The following C1QTNF3 variants were observed in gnomAD, a reference collection of about 807,000 sequenced individuals.
C1QTNF3 encodes the protein C1q and TNF related 3.
In C1QTNF3, 26 loss-of-function variants were observed where a neutral mutation model predicts 32.6. The observed-to-expected ratio is 0.80, with a 90% confidence interval of 0.58 to 1.11. The LOEUF (loss-of-function observed/expected upper bound fraction) is 1.11. Ranked by LOEUF, C1QTNF3 falls within the 50% of genes least tolerant of loss-of-function variation. The pLI, the probability that C1QTNF3 is intolerant of heterozygous loss-of-function variation, is 0.00. For missense variants in C1QTNF3, 362 were observed against 398.2 expected (o/e 0.91, Z 0.77); for synonymous variants, 155 against 146.0 (o/e 1.06, Z -0.44).
At chr5:34,236,062 G>A in the C1QTNF3 span, among the ~76,000 whole-genome samples, 2 of 152,150 alleles carry the variant, frequency 1.3e-5, no homozygotes, top group Admixed American at 6.5e-5. Flanking sequence ...ACTGAAAAAC[G>A]TATACAGAAG....
the C1QTNF3 span, among the ~76,000 whole-genome samples, chr5:34,211,371 T>A: frequency 2.6e-5 from 4 of 152,120 alleles, no homozygotes; most frequent in Non-Finnish European, 5.9e-5. Context: ...GTGCCACTGC[T>A]TGATACCTGA....
At chr5:34,239,998 T>C in the C1QTNF3 span, among the ~76,000 whole-genome samples, 1 of 152,080 alleles carries the variant, frequency 6.6e-6, no homozygotes, top group African/African-American at 2.4e-5. Flanking sequence ...ACTACACAAA[T>C]AGATGAAAAG....
At chr5:34,132,565 T>A in the C1QTNF3 span, among the ~76,000 whole-genome samples, 1 of 151,804 alleles carries the variant, frequency 6.6e-6, no homozygotes, top group African/African-American at 2.4e-5. Context: ...AAGGTCATAA[T>A]GTTTGGGACA....
At chr5:34,201,798 G>A in the C1QTNF3 span, among the ~76,000 whole-genome samples, 2 of 152,184 alleles carry the variant, frequency 1.3e-5, no homozygotes, top group South Asian at 2.1e-4. Flanking sequence ...AGCAGAAAGT[G>A]CATTTCATAC....
At chr5:34,030,544 C>G (rs898520289) in intron 3 of C1QTNF3, among the ~76,000 whole-genome samples, 3 of 152,148 alleles carry the variant, frequency 2.0e-5, no homozygotes, top group Non-Finnish European at 4.4e-5. Context: ...GTTGCCACCT[C>G]TATACTACTA....
chr5:34,197,866 T>C, the C1QTNF3 span, among the ~76,000 whole-genome samples: 1 of 152,110 alleles, frequency 6.6e-6, no homozygotes, highest in Non-Finnish European at 1.5e-5. Context: ...AGCCCATTTT[T>C]TAGTTCATAG....
chr5:34,189,856 C>T, the C1QTNF3 span, among the ~76,000 whole-genome samples: 163 of 148,676 alleles, frequency 1.1e-3, no homozygotes, highest in African/African-American at 4.2e-3. Flanking sequence ...TACAAACACC[C>T]GGACACTCGA....
chr5:34,045,200 C>T (rs1754967568), upstream of C1QTNF3, among the ~76,000 whole-genome samples: 1 of 152,218 alleles, frequency 6.6e-6, no homozygotes, highest in African/African-American at 2.4e-5. Flanking sequence ...GGCCATACTG[C>T]TAAGTAACTA....
the C1QTNF3 span, among the ~76,000 whole-genome samples, chr5:34,130,120 A>G: frequency 6.7e-6 from 1 of 149,118 alleles, no homozygotes; most frequent in African/African-American, 2.6e-5. Context: ...TCTGATCACT[A>G]TTTTATATAT....
chr5:34,075,876 G>GTGT, the C1QTNF3 span, among the ~76,000 whole-genome samples: 2 of 147,030 alleles, frequency 1.4e-5, no homozygotes, highest in Non-Finnish European at 3.0e-5. Flanking sequence ...AAACAATTAT[G>GTGT]GTGTGTGTGT....
the C1QTNF3 span, among the ~76,000 whole-genome samples, chr5:34,131,841 A>C: frequency 6.6e-6 from 1 of 152,220 alleles, no homozygotes; most frequent in Non-Finnish European, 1.5e-5. Context: ...CGAATCTGTT[A>C]ACTATTCATT....
chr5:34,157,178 T>C, the C1QTNF3 span, among the ~76,000 whole-genome samples: 1 of 152,210 alleles, frequency 6.6e-6, no homozygotes, highest in Non-Finnish European at 1.5e-5. Context: ...GAAACATACT[T>C]GTAGAATTTA....
At chr5:34,175,481 A>C in the C1QTNF3 span, 1 of 247,220 alleles carries the variant, frequency 4.0e-6, no homozygotes, top group Admixed American at 5.0e-5. Flanking sequence ...CTCTGGAATG[A>C]TGAGTGTATC....
the C1QTNF3 span, among the ~76,000 whole-genome samples, chr5:34,238,760 G>GT: frequency 1.3e-5 from 2 of 152,034 alleles, no homozygotes; most frequent in Admixed American, 1.3e-4. Flanking sequence ...GCTAGAGAGA[G>GT]TGACATGTAA....
At chr5:34,147,645 G>A in the C1QTNF3 span, among the ~76,000 whole-genome samples, 2 of 151,894 alleles carry the variant, frequency 1.3e-5, no homozygotes, top group South Asian at 4.1e-4. Context: ...ATGGGAAAAA[G>A]AGACACTGTG....
At chr5:34,185,833 G>A in the C1QTNF3 span, among the ~76,000 whole-genome samples, 3 of 152,422 alleles carry the variant, frequency 2.0e-5, no homozygotes, top group East Asian at 5.8e-4. Context: ...TATTTTCGTA[G>A]ACAATCTAAT....
the C1QTNF3 span, among the ~76,000 whole-genome samples, chr5:34,054,559 A>G: frequency 2.0e-5 from 3 of 152,230 alleles, no homozygotes; most frequent in African/African-American, 7.2e-5. Flanking sequence ...AACAAATGGC[A>G]GCCCACAGGC....
the C1QTNF3 span, among the ~76,000 whole-genome samples, chr5:34,112,272 T>C: frequency 4.6e-5 from 7 of 152,320 alleles, no homozygotes; most frequent in South Asian, 4.1e-4. Flanking sequence ...GTTTGCACAC[T>C]GATTATTTCC....
chr5:34,136,170 G>A, the C1QTNF3 span, among the ~76,000 whole-genome samples: 1 of 152,182 alleles, frequency 6.6e-6, no homozygotes, highest in Non-Finnish European at 1.5e-5. Flanking sequence ...AAACTAAAGA[G>A]CTTCTGCATG....
Sources: allele counts gnomAD v4.1 joint callset (sites outside exome capture counted in the v4.1 genomes callset), GRCh38; gene constraint gnomAD v4.1.1; transcripts MANE v1.5; gene names NCBI Gene and HGNC (gene_info 2026-07-23, HGNC 2026-07-21).